PTTG1IP2: variants seen among roughly 807,000 people sequenced by gnomAD.
The protein encoded by PTTG1IP2 is PTTG1IP family member 2.
intron 2 of PTTG1IP2, among the ~76,000 whole-genome samples, chr7:90,480,554 CA>C (rs1280742548): frequency 1.3e-5 from 2 of 151,726 alleles, no homozygotes; most frequent in Admixed American, 1.3e-4. Flanking sequence ...ATATGGATAC[CA>C]TATCATTTTA....
rs188043579 is a variant in PTTG1IP2 at position 90,505,197 on chromosome 7, A to G, written c.*51-8081A>G. On this transcript the variant is annotated intron_variant, in intron 6 of 6. Coordinates refer to ENST00000509356, the MANE Select transcript of PTTG1IP2 (RefSeq NM_001365443.2). ...TTTGAAATCTATGTGATAACTTTTA[A>G]CCATATTTGAAAAGGGTATTCGATG... Among the ~76,000 whole-genome samples the G allele has an allele frequency of 9.2e-5, 14 of 152,332 alleles. 1 individual carries two copies. The highest frequency in any genetic ancestry group is 1.3e-4 in the Admixed American group (2 of 15,310).
chr7:90,498,840 TA>T (rs1157678960), intron 6 of PTTG1IP2, among the ~76,000 whole-genome samples: 2 of 152,180 alleles, frequency 1.3e-5, no homozygotes, highest in East Asian at 1.9e-4. Context: ...TGTTTCCTTT[TA>T]AAAATTTTTT....
At chr7:90,472,691 G>A (rs748869134) in intron 1 of PTTG1IP2, among the ~76,000 whole-genome samples, 2 of 152,056 alleles carry the variant, frequency 1.3e-5, no homozygotes, top group Non-Finnish European at 2.9e-5. Flanking sequence ...GTTGGACTTC[G>A]CTTTCTTTCC....
In PTTG1IP2 at chr7:90,483,908, A is replaced by G. The variant is rs377134999; in HGVS notation, c.193-3419A>G. ...CACTGTGTCCTCACTCTTGTGCCACATCTTTCACAGTCCTGGTCTCTACCA... is the reference window on the plus strand; with the variant it reads ...CACTGTGTCCTCACTCTTGTGCCACGTCTTTCACAGTCCTGGTCTCTACCA... On this transcript the variant is annotated intron_variant, in intron 2 of 6. Coordinates refer to ENST00000509356, the MANE Select transcript of PTTG1IP2 (RefSeq NM_001365443.2). 2.6e-5 allele frequency among the ~76,000 whole-genome samples: 4 copies of G among 152,118 alleles called. No homozygotes were observed. The South Asian group carries it at 8.3e-4, about 31-fold the overall frequency.
At chr7:90,493,117 T>C (rs1338583505) in intron 5 of PTTG1IP2, among the ~76,000 whole-genome samples, 1 of 152,160 alleles carries the variant, frequency 6.6e-6, no homozygotes, top group African/African-American at 2.4e-5. Flanking sequence ...CATAGTCCTT[T>C]ATAATTACTA....
At chr7:90,491,104 A>G (rs1797932960) in intron 4 of PTTG1IP2, among the ~76,000 whole-genome samples, 1 of 152,228 alleles carries the variant, frequency 6.6e-6, no homozygotes. Flanking sequence ...ATGACCAATG[A>G]AATATCAAAA....
intron 2 of PTTG1IP2, among the ~76,000 whole-genome samples, chr7:90,486,467 C>CTTTTTTTTTTTTTTTTTTT (rs532687452): frequency 2.5e-5 from 3 of 119,222 alleles, no homozygotes; most frequent in East Asian, 2.5e-4. Flanking sequence ...CTTTGTCTTC[C>CTTTTTTTTTTTTTTTTTTT]TTTTTTTTTT....
At chr7:90,477,242 G>A (rs1360105470) in intron 1 of PTTG1IP2, among the ~76,000 whole-genome samples, 1 of 152,186 alleles carries the variant, frequency 6.6e-6, no homozygotes, top group Non-Finnish European at 1.5e-5. Context: ...ACCTGGTAAT[G>A]CCATGGAAAT....
At chr7:90,475,280 C>G (rs1797734832) in intron 1 of PTTG1IP2, among the ~76,000 whole-genome samples, 1 of 152,140 alleles carries the variant, frequency 6.6e-6, no homozygotes, top group Non-Finnish European at 1.5e-5. Flanking sequence ...TTACCAGATA[C>G]AGAATAAGTG....
intron 6 of PTTG1IP2, among the ~76,000 whole-genome samples, chr7:90,505,345 C>T (rs930701745): frequency 1.4e-4 from 22 of 152,308 alleles, no homozygotes; most frequent in African/African-American, 4.3e-4. Context: ...TGATTCTTAA[C>T]CATCATGATT....
chr7:90,483,086 C>T (rs904898641), intron 2 of PTTG1IP2, among the ~76,000 whole-genome samples: 2 of 151,996 alleles, frequency 1.3e-5, no homozygotes, highest in African/African-American at 4.8e-5. Context: ...GGAGAATGGA[C>T]AAGGTGATGG....
chr7:90,512,901 T>C (rs1798206471), intron 6 of PTTG1IP2, among the ~76,000 whole-genome samples: 1 of 152,242 alleles, frequency 6.6e-6, no homozygotes, highest in Non-Finnish European at 1.5e-5. Flanking sequence ...ATAGATGGTT[T>C]CTTTACTGCC....
At chr7:90,483,367 T>C (rs1000874270) in intron 2 of PTTG1IP2, among the ~76,000 whole-genome samples, 3 of 152,202 alleles carry the variant, frequency 2.0e-5, no homozygotes, top group African/African-American at 7.2e-5. Context: ...AAGTCTGTTC[T>C]CATTTCTGAG....
intron 1 of PTTG1IP2, among the ~76,000 whole-genome samples, chr7:90,474,235 G>A (rs1422798369): frequency 6.6e-6 from 1 of 152,136 alleles, no homozygotes; most frequent in African/African-American, 2.4e-5. Context: ...CCTAAACATA[G>A]AAATGGAATA....
At chr7:90,494,466 A>G (rs1167332186) in intron 6 of PTTG1IP2, 36 bp downstream of exon 6, 1 of 152,236 alleles carries the variant, frequency 6.6e-6, no homozygotes, top group Non-Finnish European at 1.5e-5. Context: ...AATTTTCTGC[A>G]TGCCATTTTC....
intron 1 of PTTG1IP2, among the ~76,000 whole-genome samples, chr7:90,471,693 T>A (rs1166830923): frequency 1.3e-5 from 2 of 152,298 alleles, no homozygotes; most frequent in Non-Finnish European, 2.9e-5. Context: ...GTTACTATAA[T>A]CCAATAATTT....
intron 6 of PTTG1IP2, among the ~76,000 whole-genome samples, chr7:90,511,112 A>AGTATAGTG (rs1318530348): frequency 1.3e-5 from 2 of 151,686 alleles, no homozygotes; most frequent in Admixed American, 1.3e-4. Context: ...CATTGGCACC[A>AGTATAGTG]CCTGGTATAG....
rs137977292 is a variant in PTTG1IP2 at position 90,488,300 on chromosome 7, C to T, written c.287-571C>T. Among the ~76,000 whole-genome samples, 278 of 141,010 alleles carry T rather than the reference C, an allele frequency of 2.0e-3. 2 individuals are homozygous for T. The highest frequency in any genetic ancestry group is 0.019 in the Admixed American group (262 of 14,076). The allele number at this position is 141,010 out of a possible 152,430, so 92.5% of individuals were successfully genotyped here. A position where few individuals can be genotyped will look rare whatever the true frequency, so the allele number is the denominator to read the frequency against. On this transcript the variant is annotated intron_variant, in intron 3 of 6. Coordinates refer to ENST00000509356, the MANE Select transcript of PTTG1IP2 (RefSeq NM_001365443.2). Reference sequence around the variant, plus strand: ...ATGTTTTTGCCTTATAAAGAAGTTACACTTCTTGTAACTAGTATGAACTAG... The same window carrying T: ...ATGTTTTTGCCTTATAAAGAAGTTATACTTCTTGTAACTAGTATGAACTAG...
intron 1 of PTTG1IP2, among the ~76,000 whole-genome samples, chr7:90,478,660 G>C (rs118178459): frequency 6.6e-6 from 1 of 152,242 alleles, no homozygotes; most frequent in East Asian, 1.9e-4. Flanking sequence ...AGGAGATGTT[G>C]CAGTAATAAA....
Sources: allele counts gnomAD v4.1 joint callset (sites outside exome capture counted in the v4.1 genomes callset), GRCh38; gene constraint gnomAD v4.1.1; transcripts MANE v1.5; gene names NCBI Gene and HGNC (gene_info 2026-07-23, HGNC 2026-07-21).